The following ATP9B variants were observed in gnomAD, a reference collection of about 807,000 sequenced individuals.
The protein encoded by ATP9B is ATPase phospholipid transporting 9B, also known as probable phospholipid-transporting ATPase IIB.
ATP9B carries 110 observed loss-of-function variants against 146.1 expected under a neutral mutation model. The observed-to-expected ratio is 0.75, with a 90% CI of 0.65 to 0.88. The LOEUF is 0.88. Among genes scored for constraint, ATP9B ranks in the 40% least tolerant of loss-of-function variants. ATP9B has a pLI of 0.00. For missense variants in ATP9B, 1,499 were observed against 1,496.4 expected (o/e 1.00, Z -0.03); for synonymous variants, 604 against 569.7 (o/e 1.06, Z -0.86).
At chr18:79,180,011 C>A (rs1424169823) in intron 8 of ATP9B, among the ~76,000 whole-genome samples, 1 of 151,912 alleles carries the variant, frequency 6.6e-6, no homozygotes, top group Non-Finnish European at 1.5e-5. Flanking sequence ...TTGAATTTGC[C>A]CTTTCATTAT....
intron 8 of ATP9B, among the ~76,000 whole-genome samples, chr18:79,187,831 A>G (rs1600276014): frequency 6.6e-6 from 1 of 152,236 alleles, no homozygotes; most frequent in African/African-American, 2.4e-5. Context: ...ACATAGATTA[A>G]AATAGAAAAA....
chr18:79,274,298 C>A lies in ATP9B; in HGVS notation c.1269-2756C>A, dbSNP rs374206857. Among the ~76,000 whole-genome samples the A allele has an allele frequency of 2.6e-5, 4 of 152,114 alleles. No homozygotes were observed. In the East Asian group the frequency reaches 7.7e-4, roughly 29 times the overall value. On this transcript the variant is annotated intron_variant, in intron 12 of 29. Transcript: ENST00000426216. ...TGCAGCAGTGATAGCTATACTCTGC[C>A]AACTTAGTGTTTGAAATCTGAGCAT... is the stretch of plus-strand genomic sequence containing the variant.
intron 8 of ATP9B, among the ~76,000 whole-genome samples, chr18:79,189,913 G>A (rs1417445991): frequency 6.6e-6 from 1 of 152,192 alleles, no homozygotes; most frequent in Non-Finnish European, 1.5e-5. Flanking sequence ...CAAACACGAT[G>A]GAAAACATGT....
At chr18:79,272,230 T>C (rs952309995) in intron 12 of ATP9B, among the ~76,000 whole-genome samples, 5 of 152,236 alleles carry the variant, frequency 3.3e-5, no homozygotes, top group African/African-American at 1.2e-4. Context: ...GACCCAAGAC[T>C]ACATTTGTTT....
intron 11 of ATP9B, among the ~76,000 whole-genome samples, chr18:79,247,486 C>T (rs2095979436): frequency 1.3e-5 from 2 of 152,126 alleles, no homozygotes; most frequent in African/African-American, 4.8e-5. Flanking sequence ...ACTCATGAAG[C>T]CCCCTTCAAA....
chr18:79,376,151 T>A (rs2097100399), intron 29 of ATP9B: 1 of 970,684 alleles, frequency 1.0e-6, no homozygotes, highest in South Asian at 4.8e-5. Flanking sequence ...CAGCCCCTCA[T>A]AAAGTCAGCT....
intron 9 of ATP9B, among the ~76,000 whole-genome samples, chr18:79,193,681 C>A (rs188661295): frequency 3.9e-5 from 6 of 152,108 alleles, no homozygotes; most frequent in African/African-American, 1.4e-4. Flanking sequence ...TATTTCATGC[C>A]ACACACTTTA....
rs867292365 is a variant in ATP9B, at chr18:79,208,859, C to G, written c.1030+1847C>G. 1.0e-3 allele frequency among the ~76,000 whole-genome samples: 155 copies of G among 152,264 alleles called. 2 individuals carry two copies. Among genetic ancestry groups the G allele is most frequent in the African/African-American group, 3.4e-3 (143 of 41,552 alleles). On this transcript the variant is annotated intron_variant, in intron 10 of 29. Transcript: ENST00000426216. ...AGAGGTGAGCAGGACAGTTTCTGGG[C>G]TCTGTAGGCCTCGAGAGGGACCTCA...
At chr18:79,089,700 A>G (rs530179429) in intron 1 of ATP9B, among the ~76,000 whole-genome samples, 1 of 152,310 alleles carries the variant, frequency 6.6e-6, no homozygotes, top group Non-Finnish European at 1.5e-5. Flanking sequence ...CATGCATACA[A>G]TGTGTAATGA....
chr18:79,200,790 G>GGGACTGTTGGGGTCAGAGC (rs1402464696), intron 9 of ATP9B, among the ~76,000 whole-genome samples: 1 of 152,130 alleles, frequency 6.6e-6, no homozygotes, highest in Non-Finnish European at 1.5e-5. Context: ...AGTAGTGGTG[G>GGGACTGTTGGGGTCAGAGC]AATTGTTTTC....
At chr18:79,124,765 C>G (rs1332827859) in intron 4 of ATP9B, among the ~76,000 whole-genome samples, 1 of 152,134 alleles carries the variant, frequency 6.6e-6, no homozygotes, top group Non-Finnish European at 1.5e-5. Context: ...GGAGAGCCTG[C>G]GTCCGGCTGG....
intron 26 of ATP9B, among the ~76,000 whole-genome samples, chr18:79,367,255 C>A (rs1271167891): frequency 7.7e-6 from 1 of 130,344 alleles, no homozygotes; most frequent in Non-Finnish European, 1.6e-5. Flanking sequence ...TCACCTCCAC[C>A]GTGTGTACGC....
At chr18:79,214,101 G>A (rs1474176132) in intron 11 of ATP9B, 63 bp downstream of exon 11, 2 of 1,236,146 alleles carry the variant, frequency 1.6e-6, no homozygotes, top group Non-Finnish European at 2.3e-6. Context: ...AAGAAAGTCT[G>A]CATAGTTCTG....
At chr18:79,092,210 C>G (rs2074378954) in intron 1 of ATP9B, among the ~76,000 whole-genome samples, 1 of 152,164 alleles carries the variant, frequency 6.6e-6, no homozygotes. Flanking sequence ...TTGGCAATTT[C>G]ATTGTTGTGC....
At chr18:79,084,044 A>G (rs71364797) in intron 1 of ATP9B, among the ~76,000 whole-genome samples, 8,176 of 151,556 alleles carry the variant, frequency 0.054, 295 homozygotes, top group Middle Eastern at 0.16. Context: ...GTTTTAGTAG[A>G]GACAGGGTTT....
At chr18:79,307,292 T>C (rs538958097) in intron 15 of ATP9B, 58 bp downstream of exon 15, 3 of 1,604,930 alleles carry the variant, frequency 1.9e-6, no homozygotes, top group Admixed American at 3.4e-5. Context: ...TCCAGAGTCA[T>C]GAGGATTCAT....
chr18:79,314,466 A>C (rs1402757151), intron 15 of ATP9B, among the ~76,000 whole-genome samples: 4 of 152,230 alleles, frequency 2.6e-5, no homozygotes, highest in African/African-American at 9.6e-5. Flanking sequence ...TTAATTTTAA[A>C]TCCTTAAAGG....
At chr18:79,253,306 C>G in intron 11 of ATP9B, 75 bp from the exon 12 acceptor site, 2 of 1,321,446 alleles carry the variant, frequency 1.5e-6, no homozygotes, top group Admixed American at 5.0e-5. Context: ...TATGTCATCA[C>G]TACCATGCAT....
chr18:79,198,822 T>C (rs1360439062), intron 9 of ATP9B, among the ~76,000 whole-genome samples: 1 of 152,136 alleles, frequency 6.6e-6, no homozygotes, highest in Admixed American at 6.5e-5. Flanking sequence ...AGTGAGTGAG[T>C]GGTGAGTGAA....
Sources: gnomAD v4.1 joint callset for allele counts (sites outside exome capture counted in the v4.1 genomes callset) on GRCh38, gnomAD v4.1.1 for gene constraint, MANE v1.5 for transcripts, NCBI Gene and HGNC (gene_info 2026-07-23, HGNC 2026-07-21) for gene names.